ELMOD1: variants seen among roughly 807,000 people sequenced by gnomAD.
ELMOD1 encodes ELMO domain-containing protein 1.
In ELMOD1, 21 loss-of-function variants were observed where a neutral mutation model predicts 46.7. The observed-to-expected ratio is 0.45, with a 90% CI of 0.32 to 0.65. ELMOD1 has a LOEUF of 0.65. Ranked by LOEUF, ELMOD1 falls within the 30% of genes least tolerant of loss-of-function variation. ELMOD1 has a pLI of 0.04. For synonymous variants in ELMOD1, 122 were observed against 138.2 expected (o/e 0.88, Z 0.82); for missense variants, 348 against 407.8 (o/e 0.85, Z 1.26).
intron 1 of ELMOD1, among the ~76,000 whole-genome samples, chr11:107,609,678 A>G (rs544376223): frequency 1.3e-5 from 2 of 152,266 alleles, no homozygotes; most frequent in Admixed American, 6.5e-5. Flanking sequence ...GACCACACTC[A>G]TTACTGCCCC....
chr11:107,663,737 T>C (rs2135721643), intron 11 of ELMOD1, among the ~76,000 whole-genome samples: 1 of 152,308 alleles, frequency 6.6e-6, no homozygotes, highest in African/African-American at 2.4e-5. Flanking sequence ...TGAAATTATG[T>C]TGAGCATTTT....
intron 5 of ELMOD1, among the ~76,000 whole-genome samples, chr11:107,633,854 C>T (rs1171785896): frequency 6.6e-6 from 1 of 152,080 alleles, no homozygotes. Context: ...TGCTATGGTG[C>T]CCTTTCCTAA....
chr11:107,649,185 A>G (rs1029923259), intron 7 of ELMOD1, among the ~76,000 whole-genome samples: 1 of 152,220 alleles, frequency 6.6e-6, no homozygotes, highest in African/African-American at 2.4e-5. Context: ...AACTGGGACA[A>G]TTGGCCTTCC....
At chr11:107,645,630 G>C (rs1866416218) in intron 6 of ELMOD1, among the ~76,000 whole-genome samples, 1 of 152,082 alleles carries the variant, frequency 6.6e-6, no homozygotes, top group Non-Finnish European at 1.5e-5. Context: ...CGGCCAGTTT[G>C]TGTTTTGATG....
rs1591133087 is a variant in ELMOD1 at position 107,649,174 on chromosome 11, T to C, written c.555-1161T>C. ...AGTGGATAAAGTCTGAGCTTTCAAA[T>C]AACTGGGACAATTGGCCTTCCATTG... On this transcript the variant is annotated intron_variant, in intron 7 of 11. Coordinates refer to ENST00000265840, the MANE Select transcript of ELMOD1 (RefSeq NM_018712.4). Among the ~76,000 whole-genome samples the C allele has an allele frequency of 5.3e-5, 8 of 152,312 alleles. No individual in the cohort carries two copies. The South Asian group carries it at 1.7e-3, about 32-fold the overall frequency.
At chr11:107,626,757 C>A (rs1376982982) in intron 2 of ELMOD1, among the ~76,000 whole-genome samples, 1 of 151,758 alleles carries the variant, frequency 6.6e-6, no homozygotes, top group African/African-American at 2.4e-5. Flanking sequence ...CATGTCAAAC[C>A]AATATAACAT....
intron 1 of ELMOD1, among the ~76,000 whole-genome samples, chr11:107,613,151 G>C (rs1254407215): frequency 6.6e-6 from 1 of 152,132 alleles, no homozygotes; most frequent in African/African-American, 2.4e-5. Context: ...TCTCTTAAGT[G>C]ATTCTTCACT....
At chr11:107,660,562 A>G (rs1261866470) in intron 11 of ELMOD1, among the ~76,000 whole-genome samples, 1 of 152,216 alleles carries the variant, frequency 6.6e-6, no homozygotes, top group African/African-American at 2.4e-5. Flanking sequence ...GAACCAGAGG[A>G]ACAGAATGTA....
chr11:107,612,684 A>G (rs144165903), intron 1 of ELMOD1, among the ~76,000 whole-genome samples: 5 of 152,328 alleles, frequency 3.3e-5, no homozygotes, highest in Non-Finnish European at 7.3e-5. Context: ...AGAACATCAC[A>G]CACACAGCTA....
intron 1 of ELMOD1, among the ~76,000 whole-genome samples, chr11:107,598,584 A>T (rs597341): frequency 4.3e-4 from 66 of 152,190 alleles, no homozygotes; most frequent in African/African-American, 1.5e-3. Flanking sequence ...CCCACTCCCC[A>T]CTCTAGGAGA....
chr11:107,663,850 C>G (rs1211164444), intron 11 of ELMOD1, among the ~76,000 whole-genome samples: 1 of 152,164 alleles, frequency 6.6e-6, no homozygotes, highest in Non-Finnish European at 1.5e-5. Flanking sequence ...CTCCCCTTCC[C>G]CATTTTCATT....
intron 2 of ELMOD1, among the ~76,000 whole-genome samples, chr11:107,626,660 C>CTTTCCCTCTCTCTTTCTTTATT (rs148641048): frequency 8.0e-6 from 1 of 125,316 alleles, no homozygotes; most frequent in Non-Finnish European, 1.6e-5. Flanking sequence ...CTTTCTTTTT[C>CTTTCCCTCTCTCTTTCTTTATT]TTTCTTTCTT....
intron 10 of ELMOD1, 121 bp from the exon 11 acceptor site, chr11:107,655,812 A>C: frequency 9.4e-7 from 1 of 1,068,504 alleles, no homozygotes; most frequent in Non-Finnish European, 1.3e-6. Context: ...TGACTTCCTG[A>C]CATTACCATG....
intron 6 of ELMOD1, among the ~76,000 whole-genome samples, chr11:107,638,756 G>A (rs1009157056): frequency 6.6e-6 from 1 of 152,194 alleles, no homozygotes; most frequent in African/African-American, 2.4e-5. Context: ...GGTGTTTACG[G>A]CTGCTATGGC....
chr11:107,663,421 G>T (rs903273965), intron 11 of ELMOD1, among the ~76,000 whole-genome samples: 2 of 152,006 alleles, frequency 1.3e-5, no homozygotes, highest in African/African-American at 4.8e-5. Context: ...GAGGCAGCAG[G>T]ATCACATGAG....
At chr11:107,638,735 C>G (rs568724381) in intron 6 of ELMOD1, among the ~76,000 whole-genome samples, 4 of 152,312 alleles carry the variant, frequency 2.6e-5, no homozygotes, top group African/African-American at 7.2e-5. Context: ...CAGCCACATG[C>G]ATTTGTGTAT....
chr11:107,631,406 C>CCA (rs903385702), intron 4 of ELMOD1, among the ~76,000 whole-genome samples, 174 bp from the exon 5 acceptor site: 1 of 135,876 alleles, frequency 7.4e-6, no homozygotes, highest in African/African-American at 2.8e-5. Flanking sequence ...TACCCCCCCC[C>CCA]CCATCGTGAA....
intron 6 of ELMOD1, among the ~76,000 whole-genome samples, chr11:107,639,566 G>A (rs1353476609): frequency 1.3e-5 from 2 of 152,118 alleles, no homozygotes; most frequent in East Asian, 3.9e-4. Context: ...GAATGCTCTG[G>A]CTCGAGGGCA....
chr11:107,648,499 G>A (rs1271796777), intron 7 of ELMOD1, among the ~76,000 whole-genome samples: 1 of 152,234 alleles, frequency 6.6e-6, no homozygotes, highest in Admixed American at 6.5e-5. Context: ...ATCCCAGCCT[G>A]ATGCCTCCAG....
Sources: allele counts gnomAD v4.1 joint callset (sites outside exome capture counted in the v4.1 genomes callset), GRCh38; gene constraint gnomAD v4.1.1; transcripts MANE v1.5; gene names NCBI Gene and HGNC (gene_info 2026-07-23, HGNC 2026-07-21).